BRD9: variants seen among roughly 807,000 people sequenced by gnomAD.
BRD9 encodes the protein bromodomain containing 9, also known as bromodomain-containing protein 9.
Under a neutral mutation model 68.7 loss-of-function variants are expected in BRD9, and 47 were observed. That is an observed-to-expected ratio of 0.68 (90% CI 0.54 to 0.87). The LOEUF is 0.87. Among genes scored for constraint, BRD9 ranks in the 40% least tolerant of loss-of-function variants. The pLI is 0.00. For missense variants in BRD9, 670 were observed against 748.4 expected (o/e 0.90, Z 1.22); for synonymous variants, 313 against 293.9 (o/e 1.06, Z -0.67).
intron 14 of BRD9, chr5:869,461 A>G: frequency 2.4e-6 from 1 of 425,464 alleles, no homozygotes; most frequent in South Asian, 1.7e-5. Context: ...AGCCCTGCAA[A>G]GCTGTATCTT....
chr5:875,540 G>C lies in BRD9; in HGVS notation c.1383+561C>G, dbSNP rs1418685879. ...TTTTTTCTATTTTTTAGTAGAGACG[G>C]GGTTTCACCGTGTTAGCCAGGATGG... On this transcript the variant is annotated intron_variant, in intron 12 of 15. Coordinates refer to ENST00000467963, the MANE Select transcript of BRD9 (RefSeq NM_023924.5). 6.6e-5 allele frequency among the ~76,000 whole-genome samples: 10 copies of C among 152,192 alleles called. No homozygotes were observed. The East Asian group carries it at 1.9e-3, about 29-fold the overall frequency.
At position 865,517 on chromosome 5, in the gene BRD9, G is replaced by A; in HGVS notation, c.1590C>T (p.Leu530=). 6.2e-7 allele frequency: 1 copy of A among 1,607,672 alleles called. No individual in the cohort carries two copies. The highest frequency in any genetic ancestry group is 8.5e-7 in the Non-Finnish European group (1 of 1,179,138). Residue 530 remains leucine (L), a synonymous_variant, in exon 15 of 16, where the codon CTC becomes CTT. Coordinates refer to ENST00000467963, the MANE Select transcript of BRD9 (RefSeq NM_023924.5). ...CCTGTGCTTCGTGCAGGTCCTGCAG[G>A]AGCTTCGTCGTCTCATCCAAGTTCA... is the stretch of plus-strand genomic sequence containing the variant. ...SHLNLDETTK[L]LQDLHEAQAE... is the part of the protein sequence containing the mutation.
At chr5:865,637 T>A in intron 14 of BRD9, 56 bp from the exon 15 acceptor site, 1 of 1,527,058 alleles carries the variant, frequency 6.5e-7, no homozygotes, top group Admixed American at 1.9e-5. Context: ...CCGTCTACCC[T>A]AAGGGCAGGA....
chr5:864,529 A>G lies in BRD9; in HGVS notation c.1733T>C (p.Val578Ala), dbSNP rs1199128967. The G allele has an allele frequency of 1.2e-6, 2 of 1,613,880 alleles. No homozygotes were observed. The highest frequency in any genetic ancestry group is 1.3e-5 in the African/African-American group (1 of 74,930). ...AAGAAACTCATAGGGGTCGTGGGTG[A>G]CGTCTGGCTGCTCCCCGACACTCAG... is the stretch of plus-strand genomic sequence containing the variant. ...SRLSVGEQPDVTHDPYEFLQS... is the reference protein window; with the variant it reads ...SRLSVGEQPDATHDPYEFLQS... Residue 578 changes from valine (V) to alanine (A), a missense_variant, in exon 16 of 16, where the codon GTC becomes GCC. Transcript: ENST00000467963.
intron 2 of BRD9, 90 bp from the exon 3 acceptor site, chr5:891,377 G>C: frequency 6.7e-7 from 1 of 1,483,448 alleles, no homozygotes; most frequent in Non-Finnish European, 9.0e-7. Flanking sequence ...TCAGGGGAGG[G>C]ACAGAACTAA....
chr5:876,850 AG>A (rs1751017322), intron 11 of BRD9, among the ~76,000 whole-genome samples: 1 of 152,188 alleles, frequency 6.6e-6, no homozygotes, highest in Non-Finnish European at 1.5e-5. Context: ...AGGAGGCAAC[AG>A]GGAGACTCCG....
At chr5:883,028 G>C (rs926217514) in intron 8 of BRD9, 1 of 311,222 alleles carries the variant, frequency 3.2e-6, no homozygotes, top group African/African-American at 2.4e-5. Flanking sequence ...CTCCCAACAC[G>C]CAAGCCATAC....
At chr5:889,765 A>T in intron 3 of BRD9, 118 bp from the exon 4 acceptor site, 1 of 1,532,062 alleles carries the variant, frequency 6.5e-7, no homozygotes, top group Non-Finnish European at 8.8e-7. Context: ...TTCCACCGAG[A>T]ACTGGGGATA....
chr5:892,786 G>A lies in BRD9; in HGVS notation c.-129C>T, dbSNP rs2150674110. 1.9e-6 allele frequency: 2 copies of A among 1,057,786 alleles called. No individual in the cohort carries two copies. The highest frequency in any genetic ancestry group is 2.4e-6 in the Non-Finnish European group (2 of 833,102). The allele number at this position is 1,057,786 out of a possible 1,614,324, so 65.5% of individuals were successfully genotyped here. A position where few individuals can be genotyped will look rare whatever the true frequency, so the allele number is the denominator to read the frequency against. ...CTGCGCCGAGGTTGCCGAGCTCGCT[G>A]GGCCGCGCCGGAAACGGGGCGAGGC... On this transcript the variant is annotated 5_prime_UTR_variant, in exon 1 of 16. Coordinates refer to ENST00000467963, the MANE Select transcript of BRD9 (RefSeq NM_023924.5).
chr5:880,112 T>TA, intron 9 of BRD9: 1 of 362,846 alleles, frequency 2.8e-6, no homozygotes, highest in Middle Eastern at 7.4e-4. Context: ...GTCAACACAA[T>TA]AAAAAATACC....
intron 15 of BRD9, among the ~76,000 whole-genome samples, chr5:864,950 G>A (rs952654169): frequency 5.3e-5 from 8 of 152,158 alleles, no homozygotes; most frequent in South Asian, 2.1e-4. Context: ...CAATGGAATC[G>A]AAAATACCGG....
intron 13 of BRD9, among the ~76,000 whole-genome samples, chr5:871,290 C>T (rs183261274): frequency 2.0e-5 from 3 of 152,226 alleles, no homozygotes; most frequent in Admixed American, 6.5e-5. Context: ...CAGCACCCAG[C>T]GGGGCCAACT....
At chr5:882,943 C>T (rs543398629) in intron 8 of BRD9, 9 of 268,464 alleles carry the variant, frequency 3.4e-5, no homozygotes, top group South Asian at 1.1e-4. Flanking sequence ...ATGCAAGCCA[C>T]GTGAACCACA....
rs758871899 is a variant in BRD9, at chr5:864,557, G to A, written c.1705C>T (p.Arg569Cys). ...TCTGGCTGCTCCCCGACACTCAGGC[G>A]AGAAGGGCTTCCTGCAATTTTCAGA... ...RDQHHLGSPS[R>C]LSVGEQPDVT... is the part of the protein sequence containing the mutation. Residue 569 changes from arginine (R) to cysteine (C), a missense_variant, in exon 16 of 16, where the codon CGC becomes TGC. Physicochemically the swap from Arg to Cys is radical, Grantham distance 180 (BLOSUM62 -3). Coordinates refer to ENST00000467963, the MANE Select transcript of BRD9 (RefSeq NM_023924.5). The A allele has an allele frequency of 1.9e-5, 30 of 1,613,604 alleles. No individual in the cohort carries two copies. In the Middle Eastern group the frequency reaches 8.2e-4, roughly 44 times the overall value.
At chr5:874,917 T>C (rs556937705) in intron 12 of BRD9, among the ~76,000 whole-genome samples, 1 of 152,204 alleles carries the variant, frequency 6.6e-6, no homozygotes, top group African/African-American at 2.4e-5. Flanking sequence ...AGTGCCACAG[T>C]CCAGCAGGAG....
At chr5:884,609 G>C (rs1487820015) in intron 7 of BRD9, among the ~76,000 whole-genome samples, 1 of 152,268 alleles carries the variant, frequency 6.6e-6, no homozygotes, top group African/African-American at 2.4e-5. Flanking sequence ...CAGCTGAGGG[G>C]CACAGGCTGT....
intron 5 of BRD9, among the ~76,000 whole-genome samples, chr5:887,700 C>T (rs1360824536): frequency 2.0e-5 from 3 of 152,202 alleles, no homozygotes; most frequent in African/African-American, 7.2e-5. Context: ...AAGCCTGTAA[C>T]TTCTTTCTAA....
chr5:888,878 CTG>C (rs1401199063), intron 5 of BRD9, 141 bp downstream of exon 5: 1 of 837,968 alleles, frequency 1.2e-6, no homozygotes, highest in African/African-American at 1.8e-5. Context: ...TTCCTTAATG[CTG>C]TGTCTGTAAA....
chr5:887,931 A>G (rs893361984), intron 5 of BRD9, among the ~76,000 whole-genome samples: 5 of 152,254 alleles, frequency 3.3e-5, no homozygotes, highest in African/African-American at 1.2e-4. Context: ...ACTACTAGAA[A>G]AAGACTTTGC....
Sources: gnomAD v4.1 joint callset for allele counts (sites outside exome capture counted in the v4.1 genomes callset) on GRCh38, gnomAD v4.1.1 for gene constraint, MANE v1.5 for transcripts, NCBI Gene and HGNC (gene_info 2026-07-23, HGNC 2026-07-21) for gene names.